The following GABRA2 variants were observed in gnomAD, a reference collection of about 807,000 sequenced individuals.
GABRA2 encodes the protein gamma-aminobutyric acid type A receptor subunit alpha2.
A neutral mutation model predicts 48.7 loss-of-function variants in GABRA2; 16 were observed. That is an observed-to-expected ratio of 0.33 (90% confidence interval 0.22 to 0.50). GABRA2 has a LOEUF of 0.50. Ranked by LOEUF, GABRA2 falls within the 20% of genes least tolerant of loss-of-function variation. GABRA2 has a pLI of 0.98. For missense variants in GABRA2, 275 were observed against 535.6 expected (o/e 0.51, Z 4.80); for synonymous variants, 185 against 184.5 (o/e 1.00, Z -0.02).
At chr4:46,356,889 T>C (rs189237211) in intron 3 of GABRA2, among the ~76,000 whole-genome samples, 9 of 152,268 alleles carry the variant, frequency 5.9e-5, no homozygotes, top group Middle Eastern at 3.4e-3. Flanking sequence ...ACAAGAGGGA[T>C]TGGGAAAAGA....
chr4:46,330,105 G>T (rs554350186), intron 4 of GABRA2, among the ~76,000 whole-genome samples: 2 of 152,074 alleles, frequency 1.3e-5, no homozygotes, highest in Admixed American at 1.3e-4. Flanking sequence ...AAAGTAAGTG[G>T]TTTTTTATTT....
intron 3 of GABRA2, among the ~76,000 whole-genome samples, chr4:46,355,007 C>G (rs1735735805): frequency 6.6e-6 from 1 of 152,006 alleles, no homozygotes; most frequent in African/African-American, 2.4e-5. Context: ...TTATACAGAC[C>G]TCACAGGCAG....
At chr4:46,368,099 A>C (rs1158986486) in intron 3 of GABRA2, 1 of 152,156 alleles carries the variant, frequency 6.6e-6, no homozygotes, top group African/African-American at 2.4e-5. Flanking sequence ...AGTGAGGAAG[A>C]CATAAAAGAG....
At position 46,296,656 on chromosome 4, in the gene GABRA2, G is replaced by GAAAAAAAAAAAGA. The variant is rs1724761126; in HGVS notation, c.856+6791_856+6803dup. Among the ~76,000 whole-genome samples, 62 of 136,604 alleles carry GAAAAAAAAAAAGA rather than the reference G, an allele frequency of 4.5e-4. No individual in the cohort carries two copies. The South Asian group carries it at 0.014, about 31-fold the overall frequency. 89.6% of individuals were successfully genotyped at this position (136,604 alleles called of 152,430 possible). A position where few individuals can be genotyped will look rare whatever the true frequency, so the allele number is the denominator to read the frequency against. On this transcript the variant is annotated intron_variant, in intron 8 of 9. Coordinates refer to ENST00000381620, the MANE Select transcript of GABRA2 (RefSeq NM_000807.4). ...AAGGTTTGGATTACTCTATCAGGGGGAAAAAAAAAAAGAAAAAAAAAAACC... is the reference window on the plus strand; with the variant it reads ...AAGGTTTGGATTACTCTATCAGGGGGAAAAAAAAAAAGAAAAAAAAAAAAGAAAAAAAAAAACC...
intron 5 of GABRA2, 111 bp downstream of exon 5, chr4:46,312,385 C>A: frequency 1.5e-6 from 1 of 665,050 alleles, no homozygotes; most frequent in Non-Finnish European, 2.6e-6. Context: ...CTTCAATAAT[C>A]TGTTAGAAAA....
intron 9 of GABRA2, among the ~76,000 whole-genome samples, chr4:46,251,536 A>T (rs1447072724): frequency 6.6e-6 from 1 of 151,406 alleles, no homozygotes; most frequent in African/African-American, 2.4e-5. Flanking sequence ...CTCAGTTTTG[A>T]AAACCTGATA....
chr4:46,250,176 T>C lies in GABRA2; in HGVS notation c.*132A>G. On this transcript the variant is annotated 3_prime_UTR_variant, in exon 10 of 10. Transcript: ENST00000381620. Reference sequence around the variant, plus strand: ...ATGCATGTCTCCATTAAAGGTCTACTGGTAAGCTATGTCACTATATACATA... The same window carrying C: ...ATGCATGTCTCCATTAAAGGTCTACCGGTAAGCTATGTCACTATATACATA... 4 of 738,264 alleles carry C rather than the reference T, an allele frequency of 5.4e-6. No individual in the cohort carries two copies. The highest frequency in any genetic ancestry group is 8.9e-6 in the Non-Finnish European group (4 of 451,678). 45.7% of individuals were successfully genotyped at this position (738,264 alleles called of 1,614,324 possible).
Position 46,244,893 on chromosome 4 carries a change from G to C in GABRA2, c.*5415C>G, listed in dbSNP as rs955715463. Among the ~76,000 whole-genome samples, 1 of 151,224 alleles carries C rather than the reference G, an allele frequency of 6.6e-6. No homozygotes were observed. Among genetic ancestry groups the C allele is most frequent in the African/African-American group, 2.4e-5 (1 of 41,330 alleles). ...AGTACAGTTTTATTGTTGAGTGTTT[G>C]CTTTTTACTTGTTTGTTTTGTTATG... is the stretch of plus-strand genomic sequence containing the variant. On this transcript the variant is annotated 3_prime_UTR_variant, in exon 10 of 10. Transcript: ENST00000381620.
chr4:46,254,704 C>T (rs1045898263), intron 9 of GABRA2, among the ~76,000 whole-genome samples: 2 of 151,502 alleles, frequency 1.3e-5, no homozygotes, highest in Admixed American at 6.6e-5. Flanking sequence ...ATTCTCATGG[C>T]TTTTGAAAGC....
intron 3 of GABRA2, among the ~76,000 whole-genome samples, chr4:46,338,406 A>T (rs188887787): frequency 1.3e-5 from 2 of 152,082 alleles, no homozygotes; most frequent in Admixed American, 1.3e-4. Context: ...TAGGAAAAAA[A>T]CTTAACCTCT....
At chr4:46,305,773 A>G in intron 6 of GABRA2, 62 bp from the exon 7 acceptor site, 1 of 1,234,340 alleles carries the variant, frequency 8.1e-7, no homozygotes, top group Non-Finnish European at 1.2e-6. Context: ...CTAGTGCTAC[A>G]CGAACGGTTG....
At chr4:46,269,694 C>T (rs1036689244) in intron 8 of GABRA2, among the ~76,000 whole-genome samples, 8 of 151,684 alleles carry the variant, frequency 5.3e-5, no homozygotes, top group South Asian at 4.1e-4. Context: ...AAAATTAAAA[C>T]GGACTTGTGG....
chr4:46,280,986 G>A (rs1041196157), intron 8 of GABRA2, among the ~76,000 whole-genome samples: 6 of 152,116 alleles, frequency 3.9e-5, no homozygotes, highest in Non-Finnish European at 5.9e-5. Context: ...CCTGATCATC[G>A]ACTTCCAGTC....
chr4:46,299,675 C>CT lies in GABRA2; in HGVS notation c.856+3784dup, dbSNP rs200453930. On this transcript the variant is annotated intron_variant, in intron 8 of 9. Coordinates refer to ENST00000381620, the MANE Select transcript of GABRA2 (RefSeq NM_000807.4). Reference sequence around the variant, plus strand: ...ACATGTTGGAGAATTGGGTTTCTTTCTTTTTTTTTTTTTTTTGTCTACCCA... The same window carrying CT: ...ACATGTTGGAGAATTGGGTTTCTTTCTTTTTTTTTTTTTTTTTGTCTACCCA... Among the ~76,000 whole-genome samples, 1,031 of 139,446 alleles carry CT rather than the reference C, an allele frequency of 7.4e-3. 5 individuals are homozygous for CT. Among genetic ancestry groups the CT allele is most frequent in the Non-Finnish European group, 7.1e-3 (452 of 63,360 alleles). The allele number at this position is 139,446 out of a possible 152,430, so 91.5% of individuals were successfully genotyped here.
At chr4:46,388,815 C>T (rs1717830860) in intron 1 of GABRA2, 99 bp from the exon 2 acceptor site, 34 of 1,559,034 alleles carry the variant, frequency 2.2e-5, no homozygotes, top group Non-Finnish European at 2.8e-5. Flanking sequence ...GTTAGGGATT[C>T]GTGTTAAAGC....
At chr4:46,377,792 C>T (rs1256678546) in intron 3 of GABRA2, among the ~76,000 whole-genome samples, 12 of 143,988 alleles carry the variant, frequency 8.3e-5, no homozygotes, top group Non-Finnish European at 1.2e-4. Flanking sequence ...CGCCTCTGCC[C>T]GGCCGCCCCT....
At chr4:46,389,345 C>A in intron 1 of GABRA2, 1 of 985,404 alleles carries the variant, frequency 1.0e-6, no homozygotes, top group Middle Eastern at 5.2e-4. Flanking sequence ...TAGAGGCAGC[C>A]GGGTTCCGAT....
At chr4:46,261,785 A>T in intron 9 of GABRA2, 141 bp downstream of exon 9, 1 of 747,334 alleles carries the variant, frequency 1.3e-6, no homozygotes, top group Non-Finnish European at 2.2e-6. Context: ...TTCAGGCAAG[A>T]ACACTTTAAA....
At chr4:46,255,547 T>C (rs1161305358) in intron 9 of GABRA2, among the ~76,000 whole-genome samples, 1 of 151,594 alleles carries the variant, frequency 6.6e-6, no homozygotes, top group African/African-American at 2.4e-5. Flanking sequence ...ATATTTTTTA[T>C]ATATTATCTG....
Sources: allele counts gnomAD v4.1 joint callset (sites outside exome capture counted in the v4.1 genomes callset), GRCh38; gene constraint gnomAD v4.1.1; transcripts MANE v1.5; gene names NCBI Gene and HGNC (gene_info 2026-07-23, HGNC 2026-07-21).